Variants in MCTP1 observed in about 807,000 individuals in gnomAD.
MCTP1 encodes multiple C2 and transmembrane domain-containing protein 1.
Under a neutral mutation model 120.6 loss-of-function variants are expected in MCTP1, and 69 were observed. That is an observed-to-expected ratio of 0.57 (90% CI 0.47 to 0.70). The LOEUF (loss-of-function observed/expected upper bound fraction) is 0.70. MCTP1 is among the 30% of genes least tolerant of loss of function. MCTP1 has a pLI of 0.00. For missense variants in MCTP1, 1,203 were observed against 1,248.8 expected (o/e 0.96, Z 0.55); for synonymous variants, 529 against 493.1 (o/e 1.07, Z -0.96).
intron 19 of MCTP1, among the ~76,000 whole-genome samples, chr5:94,740,612 CATT>C (rs1228375832): frequency 6.6e-6 from 1 of 152,140 alleles, no homozygotes; most frequent in Non-Finnish European, 1.5e-5. Context: ...TGAATAGAGA[CATT>C]ATTCCCAATA....
intron 1 of MCTP1, among the ~76,000 whole-genome samples, chr5:95,229,869 G>GA: frequency 6.6e-6 from 1 of 152,228 alleles, no homozygotes; most frequent in Non-Finnish European, 1.5e-5. Context: ...AAGTCCCTGG[G>GA]AAAAGATTTT....
intron 1 of MCTP1, among the ~76,000 whole-genome samples, chr5:95,128,466 G>A (rs1758793590): frequency 6.6e-6 from 1 of 152,220 alleles, no homozygotes; most frequent in African/African-American, 2.4e-5. Context: ...TGGTATACAT[G>A]TACAAGGGAA....
At chr5:94,926,725 A>C (rs1373638113) in intron 6 of MCTP1, among the ~76,000 whole-genome samples, 1 of 152,214 alleles carries the variant, frequency 6.6e-6, no homozygotes, top group East Asian at 1.9e-4. Context: ...ATGTAATCGC[A>C]CAGCAGCCCT....
chr5:95,104,158 C>T (rs754976680), intron 1 of MCTP1, among the ~76,000 whole-genome samples: 12 of 152,042 alleles, frequency 7.9e-5, no homozygotes, highest in Admixed American at 1.3e-4. Context: ...ATAAGCACGG[C>T]ATATTTAGAC....
chr5:95,229,083 C>CA (rs1175854089), intron 1 of MCTP1, among the ~76,000 whole-genome samples: 1 of 151,998 alleles, frequency 6.6e-6, no homozygotes, highest in Non-Finnish European at 1.5e-5. Context: ...AAATGAAAGC[C>CA]AAAAAACACA....
intron 19 of MCTP1, among the ~76,000 whole-genome samples, chr5:94,768,330 A>T (rs1288324913): frequency 6.6e-6 from 1 of 152,192 alleles, no homozygotes; most frequent in Non-Finnish European, 1.5e-5. Context: ...GAAATACATC[A>T]GGACATTGGT....
intron 1 of MCTP1, among the ~76,000 whole-genome samples, chr5:95,221,930 T>G (rs558575301): frequency 7.2e-5 from 11 of 152,338 alleles, no homozygotes; most frequent in African/African-American, 2.6e-4. Flanking sequence ...CCTGAGGAAT[T>G]TATTTACACA....
intron 2 of MCTP1, among the ~76,000 whole-genome samples, chr5:95,008,614 C>T (rs1424906292): frequency 1.3e-5 from 2 of 152,104 alleles, no homozygotes; most frequent in African/African-American, 4.8e-5. Flanking sequence ...CAAATCCTAA[C>T]CCCTAGTCAC....
intron 2 of MCTP1, among the ~76,000 whole-genome samples, chr5:95,006,399 C>T (rs1486773167): frequency 6.6e-6 from 1 of 151,534 alleles, no homozygotes; most frequent in African/African-American, 2.4e-5. Context: ...AGATCATAGA[C>T]TATATGAAAT....
chr5:94,797,721 A>G lies in MCTP1; in HGVS notation c.2556+1292T>C, dbSNP rs1001885859. Among the ~76,000 whole-genome samples, 7 of 152,318 alleles carry G rather than the reference A, an allele frequency of 4.6e-5. No homozygotes were observed. The South Asian group carries it at 1.2e-3, about 27-fold the overall frequency. On this transcript the variant is annotated intron_variant, in intron 18 of 22. Transcript: ENST00000515393. Reference sequence around the variant, plus strand: ...GTCTAATTTCCAAAGCAGGTACTACAGATGGTGGCAAATACAAAGATGAAC... The same window carrying G: ...GTCTAATTTCCAAAGCAGGTACTACGGATGGTGGCAAATACAAAGATGAAC...
At chr5:95,158,641 T>C (rs192032803) in intron 1 of MCTP1, among the ~76,000 whole-genome samples, 4 of 152,172 alleles carry the variant, frequency 2.6e-5, no homozygotes, top group South Asian at 4.1e-4. Context: ...AAAGCAAATT[T>C]AGGGACATGT....
At chr5:94,763,469 C>T (rs1320158351) in intron 19 of MCTP1, among the ~76,000 whole-genome samples, 3 of 152,200 alleles carry the variant, frequency 2.0e-5, no homozygotes, top group Admixed American at 6.5e-5. Flanking sequence ...TCCTTCAACA[C>T]CCAAATTAAA....
At chr5:95,171,132 C>T (rs1037528997) in intron 1 of MCTP1, among the ~76,000 whole-genome samples, 5 of 152,024 alleles carry the variant, frequency 3.3e-5, no homozygotes, top group African/African-American at 1.2e-4. Context: ...TCAGCATTTG[C>T]TTCTCTGTAA....
intron 19 of MCTP1, among the ~76,000 whole-genome samples, chr5:94,761,245 G>A (rs1771269959): frequency 6.6e-6 from 1 of 152,154 alleles, no homozygotes; most frequent in African/African-American, 2.4e-5. Context: ...TTTTATCAAA[G>A]GAGGGCAATG....
intron 1 of MCTP1, among the ~76,000 whole-genome samples, chr5:95,140,985 G>A (rs961338962): frequency 4.0e-5 from 6 of 151,600 alleles, no homozygotes; most frequent in Non-Finnish European, 7.4e-5. Flanking sequence ...GGTTTCTAAT[G>A]GAGGAGGCAT....
intron 2 of MCTP1, among the ~76,000 whole-genome samples, chr5:95,009,413 A>G (rs1331093036): frequency 1.3e-5 from 2 of 152,134 alleles, no homozygotes; most frequent in African/African-American, 2.4e-5. Flanking sequence ...TATAGTTCCT[A>G]AAAACCCAAC....
intron 1 of MCTP1, among the ~76,000 whole-genome samples, chr5:95,058,677 G>A (rs562223194): frequency 1.3e-5 from 2 of 152,260 alleles, no homozygotes; most frequent in African/African-American, 4.8e-5. Context: ...TATGGATAAA[G>A]GTGTCCATGG....
chr5:95,013,386 T>G (rs942664081), intron 2 of MCTP1, among the ~76,000 whole-genome samples: 2 of 152,134 alleles, frequency 1.3e-5, no homozygotes, highest in African/African-American at 4.8e-5. Flanking sequence ...GAAACAGCCT[T>G]CTATTGGAAG....
intron 1 of MCTP1, among the ~76,000 whole-genome samples, chr5:95,149,623 A>C (rs1760716086): frequency 6.6e-6 from 1 of 152,172 alleles, no homozygotes; most frequent in African/African-American, 2.4e-5. Flanking sequence ...CTGGAAGCAG[A>C]AACTGAGCTT....
Sources: gnomAD v4.1 joint callset for allele counts (sites outside exome capture counted in the v4.1 genomes callset) on GRCh38, gnomAD v4.1.1 for gene constraint, MANE v1.5 for transcripts, NCBI Gene and HGNC (gene_info 2026-07-23, HGNC 2026-07-21) for gene names.